Variants in ADAMTS6 observed in about 807,000 individuals in gnomAD.
ADAMTS6 encodes A disintegrin and metalloproteinase with thrombospondin motifs 6.
In ADAMTS6, 23 loss-of-function variants were observed where a neutral mutation model predicts 144.3. The ratio of observed to expected loss-of-function variants is 0.16; its 90% CI spans 0.11 to 0.23. ADAMTS6 has a LOEUF of 0.23. Ranked by LOEUF, ADAMTS6 falls within the 10% of genes least tolerant of loss-of-function variation. ADAMTS6 has a pLI of 1.00. For missense variants in ADAMTS6, 999 were observed against 1,379.6 expected (o/e 0.72, Z 4.37); for synonymous variants, 444 against 457.5 (o/e 0.97, Z 0.38).
intron 7 of ADAMTS6, among the ~76,000 whole-genome samples, chr5:65,441,907 T>C (rs1757889460): frequency 6.7e-6 from 1 of 149,668 alleles, no homozygotes; most frequent in Non-Finnish European, 1.5e-5. Flanking sequence ...AAACTCAACA[T>C]ATCCAAATTT....
intron 22 of ADAMTS6, among the ~76,000 whole-genome samples, chr5:65,183,366 G>A (rs375779842): frequency 4.6e-5 from 7 of 151,984 alleles, no homozygotes; most frequent in African/African-American, 1.7e-4. Context: ...TGAAAGAGAC[G>A]TTACATTCAC....
At chr5:65,465,613 C>T (rs954614600) in intron 3 of ADAMTS6, among the ~76,000 whole-genome samples, 1 of 152,150 alleles carries the variant, frequency 6.6e-6, no homozygotes, top group Admixed American at 6.5e-5. Flanking sequence ...ATGTCATTGC[C>T]TCTTCTTCAA....
chr5:65,399,086 G>T (rs975774400), intron 7 of ADAMTS6, among the ~76,000 whole-genome samples: 2 of 151,770 alleles, frequency 1.3e-5, no homozygotes, highest in Admixed American at 6.6e-5. Flanking sequence ...GTGAAACCCC[G>T]TCTCCAATAA....
intron 9 of ADAMTS6, among the ~76,000 whole-genome samples, chr5:65,317,048 C>T (rs955029651): frequency 6.6e-6 from 1 of 152,154 alleles, no homozygotes; most frequent in African/African-American, 2.4e-5. Flanking sequence ...AGTAATCTAC[C>T]TGCCTTGGCC....
chr5:65,411,232 C>T (rs1239086213), intron 7 of ADAMTS6, among the ~76,000 whole-genome samples: 2 of 152,230 alleles, frequency 1.3e-5, no homozygotes, highest in East Asian at 1.9e-4. Context: ...GTTTGATTTG[C>T]TGTGCTGCAG....
At chr5:65,275,404 AAAGAAAGAAAGAAAAG>A (rs1248624079) in intron 11 of ADAMTS6, among the ~76,000 whole-genome samples, 83 of 135,378 alleles carry the variant, frequency 6.1e-4, no homozygotes, top group African/African-American at 1.7e-3. Flanking sequence ...AGAAAGAAAG[AAAGAAAGAAAGAAAAG>A]AAAGAAAGAA....
Position 65,262,782 on chromosome 5 carries a change from C to T in ADAMTS6, c.1766+35G>A, listed in dbSNP as rs759775739. On this transcript the variant is annotated intron_variant, in intron 13 of 24. Coordinates refer to ENST00000381055, the MANE Select transcript of ADAMTS6 (RefSeq NM_197941.4). ...AGCTTTGAATCATTTCCAACTGTGTCTTTTTGTTGGCTCCGGCTTACTTTA... is the reference window on the plus strand; with the variant it reads ...AGCTTTGAATCATTTCCAACTGTGTTTTTTTGTTGGCTCCGGCTTACTTTA... 6 of 1,474,692 alleles carry T rather than the reference C, an allele frequency of 4.1e-6. No homozygotes were observed. In the Admixed American group the frequency reaches 1.6e-4, roughly 39 times the overall value. 91.4% of individuals were successfully genotyped at this position (1,474,692 alleles called of 1,614,324 possible). A position where few individuals can be genotyped will look rare whatever the true frequency, so the allele number is the denominator to read the frequency against.
intron 7 of ADAMTS6, among the ~76,000 whole-genome samples, chr5:65,403,088 T>C (rs1286990452): frequency 6.6e-6 from 1 of 152,128 alleles, no homozygotes; most frequent in African/African-American, 2.4e-5. Context: ...AAGGCCTCAT[T>C]TTACTCAAAC....
intron 7 of ADAMTS6, among the ~76,000 whole-genome samples, chr5:65,410,417 T>C (rs934879000): frequency 9.9e-5 from 15 of 152,214 alleles, no homozygotes; most frequent in Admixed American, 6.6e-4. Context: ...GTAAAAATTA[T>C]ATATATTTAT....
At chr5:65,252,696 A>G (rs1760285063) in intron 14 of ADAMTS6, among the ~76,000 whole-genome samples, 2 of 152,034 alleles carry the variant, frequency 1.3e-5, no homozygotes, top group African/African-American at 2.4e-5. Flanking sequence ...TTATTATTAT[A>G]TGTAAAACCA....
intron 22 of ADAMTS6, among the ~76,000 whole-genome samples, chr5:65,177,367 T>C (rs1343380428): frequency 3.9e-5 from 6 of 152,214 alleles, no homozygotes; most frequent in African/African-American, 1.4e-4. Context: ...CCTCAAACTA[T>C]TGCATTTAAT....
At chr5:65,457,398 T>C (rs1759293733) in intron 4 of ADAMTS6, among the ~76,000 whole-genome samples, 1 of 152,164 alleles carries the variant, frequency 6.6e-6, no homozygotes. Flanking sequence ...ATTCTCACAG[T>C]AATCCAAATA....
chr5:65,232,328 C>T (rs143511667), intron 15 of ADAMTS6, among the ~76,000 whole-genome samples: 90 of 152,002 alleles, frequency 5.9e-4, no homozygotes, highest in African/African-American at 2.0e-3. Flanking sequence ...AACAACCTAA[C>T]CCCAAAGTTA....
chr5:65,199,063 A>G (rs1173508883), intron 20 of ADAMTS6, among the ~76,000 whole-genome samples: 1 of 152,036 alleles, frequency 6.6e-6, no homozygotes, highest in South Asian at 2.1e-4. Context: ...TTATCCATCC[A>G]TCCTGGTTCA....
At chr5:65,381,602 T>C (rs1580551137) in intron 7 of ADAMTS6, among the ~76,000 whole-genome samples, 1 of 144,626 alleles carries the variant, frequency 6.9e-6, no homozygotes, top group Non-Finnish European at 1.5e-5. Flanking sequence ...GACAGGCTGG[T>C]CTCAAACTCC....
At chr5:65,187,485 A>G (rs1393024656) in intron 22 of ADAMTS6, among the ~76,000 whole-genome samples, 1 of 152,206 alleles carries the variant, frequency 6.6e-6, no homozygotes, top group African/African-American at 2.4e-5. Flanking sequence ...GAAGACATAA[A>G]ATATATAGAT....
At chr5:65,346,224 A>T (rs964927053) in intron 7 of ADAMTS6, among the ~76,000 whole-genome samples, 4 of 152,028 alleles carry the variant, frequency 2.6e-5, no homozygotes, top group African/African-American at 9.6e-5. Context: ...TCATTGATAT[A>T]GATGCAAAAT....
At chr5:65,295,056 T>C (rs1483424728) in intron 10 of ADAMTS6, among the ~76,000 whole-genome samples, 1 of 152,120 alleles carries the variant, frequency 6.6e-6, no homozygotes, top group Non-Finnish European at 1.5e-5. Flanking sequence ...AGCCTGTTCA[T>C]TTTTATTGTT....
At chr5:65,376,185 G>A (rs962723570) in intron 7 of ADAMTS6, among the ~76,000 whole-genome samples, 20 of 152,084 alleles carry the variant, frequency 1.3e-4, no homozygotes, top group Admixed American at 6.5e-4. Flanking sequence ...TGGGTGCAGC[G>A]CACCAGCATG....
Sources: allele counts gnomAD v4.1 joint callset (sites outside exome capture counted in the v4.1 genomes callset), GRCh38; gene constraint gnomAD v4.1.1; transcripts MANE v1.5; gene names NCBI Gene and HGNC (gene_info 2026-07-23, HGNC 2026-07-21).